The following UNC13C variants were observed in gnomAD, a reference collection of about 807,000 sequenced individuals.
UNC13C encodes the protein unc-13 homolog C, also known as protein unc-13 homolog C.
A neutral mutation model predicts 245.4 loss-of-function variants in UNC13C; 174 were observed. The observed-to-expected ratio is 0.71, with a 90% CI of 0.63 to 0.80. The LOEUF (loss-of-function observed/expected upper bound fraction) is 0.80, where lower values mean the gene tolerates loss of function less well. Among genes scored for constraint, UNC13C ranks in the 30% least tolerant of loss-of-function variants. UNC13C has a pLI of 0.00. For synonymous variants in UNC13C, 992 were observed against 895.1 expected (o/e 1.11, Z -1.93); for missense variants, 2,829 against 2,602.9 (o/e 1.09, Z -1.89).
At chr15:54,009,856 T>C (rs142528443) in intron 1 of UNC13C, among the ~76,000 whole-genome samples, 70 of 152,328 alleles carry the variant, frequency 4.6e-4, no homozygotes, top group African/African-American at 1.6e-3. Context: ...GAGTTGGGAT[T>C]CCATTGCAGG....
intron 2 of UNC13C, among the ~76,000 whole-genome samples, chr15:54,046,436 CAT>C (rs780237089): frequency 2.0e-5 from 3 of 152,084 alleles, no homozygotes; most frequent in Non-Finnish European, 4.4e-5. Context: ...ACTCAATTGA[CAT>C]ATTTCAACGT....
chr15:53,946,132 T>G, the UNC13C span, among the ~76,000 whole-genome samples: 1 of 152,314 alleles, frequency 6.6e-6, no homozygotes, highest in African/African-American at 2.4e-5. Context: ...GAGGGAGCTT[T>G]TGGGCCAAGG....
intron 2 of UNC13C, among the ~76,000 whole-genome samples, chr15:54,055,691 A>G (rs1334040124): frequency 6.6e-6 from 1 of 152,162 alleles, no homozygotes; most frequent in Non-Finnish European, 1.5e-5. Flanking sequence ...CTTTGCATAG[A>G]TGGTGTTTTA....
chr15:54,221,526 T>C (rs1386441212), intron 4 of UNC13C, among the ~76,000 whole-genome samples: 1 of 151,868 alleles, frequency 6.6e-6, no homozygotes, highest in African/African-American at 2.4e-5. Flanking sequence ...CAAATAGGTT[T>C]TCATAGGTTA....
intron 7 of UNC13C, among the ~76,000 whole-genome samples, chr15:54,246,349 A>T (rs996412486): frequency 6.6e-6 from 1 of 151,942 alleles, no homozygotes; most frequent in Non-Finnish European, 1.5e-5. Context: ...GGTAAACAAG[A>T]TGTCTATAAC....
At position 54,470,297 on chromosome 15, in the gene UNC13C, T is replaced by A. The variant is rs1434193824; in HGVS notation, c.4934-24311T>A. The stretch of plus-strand genomic sequence containing the variant: ...GAAGTATTCCTACCTCTTCAATATT[T>A]GGAAGGGTTTGAGTAGAATATGTAT... On this transcript the variant is annotated intron_variant, in intron 19 of 32. Coordinates refer to ENST00000260323, the MANE Select transcript of UNC13C (RefSeq NM_001080534.3). Among the ~76,000 whole-genome samples, 4 of 151,332 alleles carry A rather than the reference T, an allele frequency of 2.6e-5. No individual in the cohort carries two copies. The East Asian group carries it at 7.8e-4, about 29-fold the overall frequency.
intron 30 of UNC13C, among the ~76,000 whole-genome samples, chr15:54,613,791 T>C (rs1596678328): frequency 6.6e-6 from 1 of 152,040 alleles, no homozygotes; most frequent in East Asian, 1.9e-4. Flanking sequence ...ACTTTTCTAA[T>C]TGTGTCACTG....
chr15:54,307,382 C>T (rs781291402), intron 13 of UNC13C, among the ~76,000 whole-genome samples: 10 of 151,898 alleles, frequency 6.6e-5, no homozygotes, highest in Non-Finnish European at 1.3e-4. Flanking sequence ...TCATGAGGGG[C>T]TCCCCACTTA....
chr15:53,850,168 C>T, the UNC13C span, among the ~76,000 whole-genome samples: 3 of 152,044 alleles, frequency 2.0e-5, no homozygotes, highest in Non-Finnish European at 4.4e-5. Flanking sequence ...CTAATCCTGA[C>T]ACTTTGGGAG....
intron 30 of UNC13C, among the ~76,000 whole-genome samples, chr15:54,612,214 T>A (rs779456743): frequency 9.2e-5 from 14 of 152,078 alleles, no homozygotes; most frequent in Non-Finnish European, 2.1e-4. Context: ...AGTAGTTATA[T>A]TTTTCACAAA....
At chr15:54,134,744 C>A (rs375172567) in intron 2 of UNC13C, among the ~76,000 whole-genome samples, 1 of 151,914 alleles carries the variant, frequency 6.6e-6, no homozygotes, top group Non-Finnish European at 1.5e-5. Context: ...TGTTTTTATA[C>A]CTTGGCTATA....
intron 19 of UNC13C, among the ~76,000 whole-genome samples, chr15:54,477,572 G>C (rs1207012074): frequency 1.8e-5 from 2 of 113,484 alleles, no homozygotes; most frequent in South Asian, 6.3e-4. Flanking sequence ...ATAATCATGT[G>C]GTTTTTGTCT....
chr15:54,536,103 A>T (rs1314917901), intron 26 of UNC13C, among the ~76,000 whole-genome samples: 2 of 152,086 alleles, frequency 1.3e-5, no homozygotes, highest in Non-Finnish European at 2.9e-5. Flanking sequence ...ATAAGGGAAA[A>T]AGTGAGAAGA....
chr15:54,563,039 T>G (rs774403873), intron 29 of UNC13C, among the ~76,000 whole-genome samples: 1 of 152,036 alleles, frequency 6.6e-6, no homozygotes, highest in South Asian at 2.1e-4. Context: ...TTTTAAAAAT[T>G]TTCTGTTGTT....
chr15:53,976,455 CTT>C (rs201004679), upstream of UNC13C, among the ~76,000 whole-genome samples: 734 of 83,568 alleles, frequency 8.8e-3, 3 homozygotes, highest in South Asian at 0.019. Context: ...TTTTTTTCTT[CTT>C]TCTCTCTCTC....
At chr15:54,334,286 T>A (rs2038517053) in intron 16 of UNC13C, among the ~76,000 whole-genome samples, 1 of 152,172 alleles carries the variant, frequency 6.6e-6, no homozygotes, top group Non-Finnish European at 1.5e-5. Context: ...GCACTGGGAA[T>A]GTCTGTGTAG....
At chr15:54,307,019 C>T (rs2037742834) in intron 13 of UNC13C, among the ~76,000 whole-genome samples, 1 of 151,978 alleles carries the variant, frequency 6.6e-6, no homozygotes, top group African/African-American at 2.4e-5. Context: ...ATGGTTACAG[C>T]AGTGAACAAG....
At chr15:54,130,808 T>A (rs937370916) in intron 2 of UNC13C, among the ~76,000 whole-genome samples, 9 of 152,196 alleles carry the variant, frequency 5.9e-5, no homozygotes, top group Non-Finnish European at 1.3e-4. Flanking sequence ...TTTATGAGTG[T>A]TTTTAATAAT....
rs778896282 is a variant in UNC13C, at chr15:54,548,261, G to T, written c.5821-1374G>T. Among the ~76,000 whole-genome samples, 5 of 112,466 alleles carry T rather than the reference G, an allele frequency of 4.4e-5. 1 individual carries two copies. Among genetic ancestry groups the T allele is most frequent in the Non-Finnish European group, 8.5e-5 (5 of 59,146 alleles). The allele number at this position is 112,466 out of a possible 152,430, so 73.8% of individuals were successfully genotyped here. ...TTTGGAGACAGAATCTCGCTCTTTC[G>T]CCCAGGCTGGAGTGCAGTGGCGCGA... is the stretch of plus-strand genomic sequence containing the variant. On this transcript the variant is annotated intron_variant, in intron 27 of 32. Transcript: ENST00000260323.
Sources: gnomAD v4.1 joint callset for allele counts (sites outside exome capture counted in the v4.1 genomes callset) on GRCh38, gnomAD v4.1.1 for gene constraint, MANE v1.5 for transcripts, NCBI Gene and HGNC (gene_info 2026-07-23, HGNC 2026-07-21) for gene names.